The following STXBP5L variants were observed in gnomAD, a reference collection of about 807,000 sequenced individuals.
STXBP5L encodes syntaxin binding protein 5L, also known as syntaxin-binding protein 5-like.
A neutral mutation model predicts 144.5 loss-of-function variants in STXBP5L; 65 were observed. The observed-to-expected ratio is 0.45, with a 90% CI of 0.37 to 0.55. The LOEUF (loss-of-function observed/expected upper bound fraction) is 0.55, where lower values mean the gene tolerates loss of function less well. Ranked by LOEUF, STXBP5L falls within the 20% of genes least tolerant of loss-of-function variation. The pLI, the probability that STXBP5L is intolerant of heterozygous loss-of-function variation, is 0.00. For missense variants in STXBP5L, 1,298 were observed against 1,405.5 expected, an observed-to-expected ratio of 0.92 and a Z score of 1.22; for synonymous variants, 505 against 469.6, an observed-to-expected ratio of 1.08 and a Z score of -0.97.
At chr3:121,249,482 T>C (rs888525188) in intron 14 of STXBP5L, among the ~76,000 whole-genome samples, 10 of 152,206 alleles carry the variant, frequency 6.6e-5, no homozygotes, top group Non-Finnish European at 1.3e-4. Context: ...TACTATTTTG[T>C]TATTTCCAAA....
chr3:121,134,868 A>G (rs1194377380), intron 7 of STXBP5L, among the ~76,000 whole-genome samples: 3 of 152,188 alleles, frequency 2.0e-5, no homozygotes, highest in African/African-American at 4.8e-5. Flanking sequence ...ATAAACATAC[A>G]TGTGCATGTG....
At chr3:121,105,827 GA>G (rs2043677340) in intron 5 of STXBP5L, among the ~76,000 whole-genome samples, 1 of 152,030 alleles carries the variant, frequency 6.6e-6, no homozygotes, top group Non-Finnish European at 1.5e-5. Flanking sequence ...AATTAATATT[GA>G]TTTAAATTCT....
intron 5 of STXBP5L, among the ~76,000 whole-genome samples, chr3:121,092,412 G>A (rs1403448233): frequency 2.6e-5 from 4 of 152,118 alleles, no homozygotes; most frequent in Admixed American, 6.6e-5. Flanking sequence ...AGCATGGAAT[G>A]TTCTTCCATT....
At chr3:120,916,458 G>A (rs1475708079) in intron 2 of STXBP5L, among the ~76,000 whole-genome samples, 9 of 151,690 alleles carry the variant, frequency 5.9e-5, no homozygotes, top group Admixed American at 3.9e-4. Flanking sequence ...CCACCACCAC[G>A]CCCGGCTAAT....
At chr3:121,002,268 ATTG>A (rs1019227574) in intron 3 of STXBP5L, among the ~76,000 whole-genome samples, 49 of 117,850 alleles carry the variant, frequency 4.2e-4, no homozygotes, top group African/African-American at 1.3e-3. Flanking sequence ...ATAATATCTC[ATTG>A]TTGTTTTCAT....
At chr3:121,064,026 C>A (rs185479986) in intron 5 of STXBP5L, among the ~76,000 whole-genome samples, 1 of 152,260 alleles carries the variant, frequency 6.6e-6, no homozygotes, top group East Asian at 1.9e-4. Context: ...TTCCAAGCGC[C>A]ACTGAGGTAT....
intron 19 of STXBP5L, among the ~76,000 whole-genome samples, chr3:121,292,542 T>A (rs1317198748): frequency 6.6e-6 from 1 of 152,168 alleles, no homozygotes; most frequent in Non-Finnish European, 1.5e-5. Flanking sequence ...CCACTGGGTA[T>A]CTACCCAGAG....
chr3:121,365,460 T>C (rs1021926091), intron 20 of STXBP5L, among the ~76,000 whole-genome samples: 2 of 151,732 alleles, frequency 1.3e-5, no homozygotes, highest in Non-Finnish European at 3.0e-5. Flanking sequence ...TTACTAGTTA[T>C]AAGTCTATTC....
At chr3:121,381,081 A>T (rs2046312072) in intron 21 of STXBP5L, among the ~76,000 whole-genome samples, 1 of 152,104 alleles carries the variant, frequency 6.6e-6, no homozygotes, top group South Asian at 2.1e-4. Flanking sequence ...TTCTAGTCCT[A>T]GGTCTGCCTA....
chr3:121,028,185 A>T (rs1172639773), intron 3 of STXBP5L, among the ~76,000 whole-genome samples: 1 of 152,116 alleles, frequency 6.6e-6, no homozygotes, highest in Admixed American at 6.6e-5. Context: ...ATTATTTCAA[A>T]ATCACTGACT....
At chr3:121,378,986 T>TA (rs754128517) in intron 21 of STXBP5L, 100 bp downstream of exon 21, 318 of 1,257,396 alleles carry the variant, frequency 2.5e-4, no homozygotes, top group Non-Finnish European at 3.4e-4. Context: ...TGAAAGATGT[T>TA]AAAAAACTAC....
At chr3:121,206,867 G>A (rs1303131670) in intron 10 of STXBP5L, among the ~76,000 whole-genome samples, 1 of 151,884 alleles carries the variant, frequency 6.6e-6, no homozygotes, top group Non-Finnish European at 1.5e-5. Context: ...CTTTTACTTG[G>A]CAATAATAAT....
rs1022290447 is a variant in STXBP5L at position 121,222,873 on chromosome 3, C to T, written c.957-130C>T. ...AGGTTATTGAATGAGAAATTTTGAG[C>T]CGGGCAAGTTTTTTGCTGTCTGTCA... On this transcript the variant is annotated intron_variant, in intron 10 of 26. Transcript: ENST00000471454. 62 of 910,300 alleles carry T rather than the reference C, an allele frequency of 6.8e-5. No homozygotes were observed. The African/African-American group carries it at 9.5e-4, about 14-fold the overall frequency. The allele number at this position is 910,300 out of a possible 1,614,324, so 56.4% of individuals were successfully genotyped here.
chr3:121,375,685 G>T (rs1012732561), intron 20 of STXBP5L, among the ~76,000 whole-genome samples: 1 of 152,116 alleles, frequency 6.6e-6, no homozygotes, highest in Non-Finnish European at 1.5e-5. Context: ...CCATTTAAAT[G>T]GTGAAAACTA....
At chr3:121,379,489 T>C (rs1490450429) in intron 21 of STXBP5L, among the ~76,000 whole-genome samples, 2 of 152,088 alleles carry the variant, frequency 1.3e-5, no homozygotes, top group Non-Finnish European at 2.9e-5. Flanking sequence ...TAAGGAACTT[T>C]AGAGAAAGAG....
At chr3:121,253,412 C>A (rs751906287) in intron 15 of STXBP5L, among the ~76,000 whole-genome samples, 1 of 151,648 alleles carries the variant, frequency 6.6e-6, no homozygotes, top group South Asian at 2.1e-4. Flanking sequence ...TTTTTTCTTA[C>A]GCATTTGAGA....
chr3:121,102,747 C>G lies in STXBP5L; in HGVS notation c.471-12178C>G, dbSNP rs977970845. On this transcript the variant is annotated intron_variant, in intron 5 of 26. Transcript: ENST00000471454. ...ACTTCTGCACAGCAAGATAAACTGT[C>G]ACCAGAAGAAACAGATATACTACAG... 2.0e-5 allele frequency among the ~76,000 whole-genome samples: 3 copies of G among 152,038 alleles called. No homozygotes were observed. In the South Asian group the frequency reaches 6.2e-4, roughly 32 times the overall value.
rs959989805 is a variant in STXBP5L at position 121,307,836 on chromosome 3, C to T, written c.2111-10639C>T. ...CACATCCAAGAAGCTCCATGAACTC[C>T]GAGAAGATAAATGGAAAAATATCTA... is the stretch of plus-strand genomic sequence containing the variant. On this transcript the variant is annotated intron_variant, in intron 19 of 26. Transcript: ENST00000471454. Among the ~76,000 whole-genome samples, 10 of 151,810 alleles carry T rather than the reference C, an allele frequency of 6.6e-5. No homozygotes were observed. The South Asian group carries it at 1.0e-3, about 16-fold the overall frequency.
At position 121,039,648 on chromosome 3, in the gene STXBP5L, T is replaced by C. The variant is rs569713932; in HGVS notation, c.288-2052T>C. Among the ~76,000 whole-genome samples, 32 of 152,072 alleles carry C rather than the reference T, an allele frequency of 2.1e-4. No homozygotes were observed. In the South Asian group the frequency reaches 3.3e-3, roughly 16 times the overall value. ...TCTGTTCATGATGAATTATTTCAGT[T>C]TTATGTGTCTGAAAAGTGTCTTCAT... On this transcript the variant is annotated intron_variant, in intron 3 of 26. Transcript: ENST00000471454.
Sources: allele counts gnomAD v4.1 joint callset (sites outside exome capture counted in the v4.1 genomes callset), GRCh38; gene constraint gnomAD v4.1.1; transcripts MANE v1.5; gene names NCBI Gene and HGNC (gene_info 2026-07-23, HGNC 2026-07-21).